The following DOCK3 variants were observed in gnomAD, a reference collection of about 807,000 sequenced individuals.
DOCK3 encodes the protein dedicator of cytokinesis 3.
DOCK3 carries 60 observed loss-of-function variants against 265.6 expected under a neutral mutation model. The ratio of observed to expected loss-of-function variants is 0.23; its 90% CI spans 0.18 to 0.28. The LOEUF is 0.28. DOCK3 is among the 10% of genes least tolerant of loss of function. The pLI is 1.00. For missense variants in DOCK3, 1,981 were observed against 2,594.3 expected (o/e 0.76, Z 5.14); for synonymous variants, 881 against 938.0 (o/e 0.94, Z 1.11).
At chr3:50,733,216 A>G (rs984897371) in intron 1 of DOCK3, among the ~76,000 whole-genome samples, 4 of 152,062 alleles carry the variant, frequency 2.6e-5, no homozygotes, top group African/African-American at 9.7e-5. Context: ...GTTGGATGGG[A>G]TGTTTTGTAT....
At chr3:51,044,449 G>A (rs919552350) in intron 5 of DOCK3, among the ~76,000 whole-genome samples, 1 of 152,104 alleles carries the variant, frequency 6.6e-6, no homozygotes, top group Non-Finnish European at 1.5e-5. Context: ...GGTAGGAGGA[G>A]GGAGAGGATC....
chr3:51,332,888 C>T, intron 33 of DOCK3, 113 bp from the exon 34 acceptor site: 1 of 1,414,764 alleles, frequency 7.1e-7, no homozygotes, highest in Non-Finnish European at 9.8e-7. Flanking sequence ...CCCTCCCTCC[C>T]CCCACCTCAG....
chr3:50,964,623 T>C (rs1474063133), intron 5 of DOCK3, among the ~76,000 whole-genome samples: 2 of 152,090 alleles, frequency 1.3e-5, no homozygotes. Flanking sequence ...GAGCATGAAC[T>C]AGCTGTGCGA....
At chr3:51,301,182 A>G (rs2082341028) in intron 27 of DOCK3, among the ~76,000 whole-genome samples, 1 of 152,150 alleles carries the variant, frequency 6.6e-6, no homozygotes, top group African/African-American at 2.4e-5. Flanking sequence ...TTTCTAATTT[A>G]CATGCCTAAA....
chr3:51,368,084 G>A (rs546787281), intron 49 of DOCK3, among the ~76,000 whole-genome samples: 19 of 152,308 alleles, frequency 1.2e-4, no homozygotes, highest in Middle Eastern at 6.8e-3. Flanking sequence ...CCTGAAGAGT[G>A]TTTTCCAATT....
intron 21 of DOCK3, among the ~76,000 whole-genome samples, chr3:51,240,229 T>C (rs982871946): frequency 1.3e-5 from 2 of 152,272 alleles, no homozygotes; most frequent in African/African-American, 2.4e-5. Flanking sequence ...GAGCAAGTTA[T>C]TGCATTTCCA....
rs557806391 is a variant in DOCK3, at chr3:50,934,846, A to G, written c.315+769A>G. On this transcript the variant is annotated intron_variant, in intron 5 of 52. Coordinates refer to ENST00000266037, the MANE Select transcript of DOCK3 (RefSeq NM_004947.5). ...TAGAAATAATCATAATATCTACACT[A>G]AAAGTAAGTGACAGGGTTTGGGCTC... is the stretch of plus-strand genomic sequence containing the variant. 2.6e-5 allele frequency among the ~76,000 whole-genome samples: 4 copies of G among 152,348 alleles called. No individual in the cohort carries two copies. The East Asian group carries it at 5.8e-4, about 22-fold the overall frequency.
chr3:51,312,940 G>A, intron 31 of DOCK3, 38 bp downstream of exon 31: 1 of 1,552,162 alleles, frequency 6.4e-7, no homozygotes, highest in Non-Finnish European at 8.8e-7. Context: ...TCTATATATT[G>A]CATAGCCAAA....
At chr3:51,208,251 A>T (rs1395983093) in intron 12 of DOCK3, among the ~76,000 whole-genome samples, 2 of 152,226 alleles carry the variant, frequency 1.3e-5, no homozygotes, top group East Asian at 3.9e-4. Flanking sequence ...CTGCTCTCAC[A>T]AGCTTTTCTT....
At chr3:51,031,046 T>C (rs2108953420) in intron 5 of DOCK3, among the ~76,000 whole-genome samples, 1 of 152,362 alleles carries the variant, frequency 6.6e-6, no homozygotes, top group Non-Finnish European at 1.5e-5. Context: ...TCATATGTTT[T>C]AGCTGTACTC....
Position 51,374,645 on chromosome 3 carries a change from C to G in DOCK3, c.5412+58C>G. The G allele has an allele frequency of 1.3e-6, 2 of 1,502,008 alleles. No homozygotes were observed. Among genetic ancestry groups the G allele is most frequent in the South Asian group, 1.2e-5 (1 of 83,628 alleles). The allele number at this position is 1,502,008 out of a possible 1,614,324, so 93.0% of individuals were successfully genotyped here. On this transcript the variant is annotated intron_variant, in intron 50 of 52. Transcript: ENST00000266037. This position sits in a 1 kb window ranked among gnomAD's most constrained non-coding sequence, Gnocchi z 4.8. Reference sequence around the variant, plus strand: ...TGCAAGTGTGTTAGCCTGTGCTTCCCTCCTTGCATTTGCGGGGCCTTCTGC... The same window carrying G: ...TGCAAGTGTGTTAGCCTGTGCTTCCGTCCTTGCATTTGCGGGGCCTTCTGC...
chr3:50,709,549 G>C (rs1341196078), intron 1 of DOCK3, among the ~76,000 whole-genome samples: 2 of 152,074 alleles, frequency 1.3e-5, no homozygotes, highest in Admixed American at 6.6e-5. Flanking sequence ...GGTGGGGCTG[G>C]GCATGGTGGC....
intron 5 of DOCK3, among the ~76,000 whole-genome samples, chr3:50,939,978 G>A (rs774019559): frequency 3.9e-5 from 6 of 152,064 alleles, no homozygotes; most frequent in Non-Finnish European, 7.4e-5. Context: ...CAAACAAGAA[G>A]ACACTAGAGT....
chr3:50,714,624 A>AT (rs1245876940), intron 1 of DOCK3, among the ~76,000 whole-genome samples: 3 of 151,976 alleles, frequency 2.0e-5, no homozygotes, highest in Admixed American at 6.6e-5. Flanking sequence ...TAATTTTTAA[A>AT]TTTTTTTGTA....
At chr3:50,825,035 C>T (rs1356755777) in intron 2 of DOCK3, among the ~76,000 whole-genome samples, 1 of 152,080 alleles carries the variant, frequency 6.6e-6, no homozygotes, top group Admixed American at 6.5e-5. Context: ...GGCACTTGGG[C>T]AGATTATATA....
chr3:51,104,926 T>A (rs1025033565), intron 9 of DOCK3, among the ~76,000 whole-genome samples: 2 of 152,152 alleles, frequency 1.3e-5, no homozygotes, highest in Non-Finnish European at 2.9e-5. Context: ...GTAGCGGGAC[T>A]ACGGGTGTAC....
intron 4 of DOCK3, among the ~76,000 whole-genome samples, chr3:50,926,839 G>A (rs1211493594): frequency 6.6e-6 from 1 of 152,206 alleles, no homozygotes; most frequent in Non-Finnish European, 1.5e-5. Flanking sequence ...TTTCTTGCCT[G>A]TGTTACAGCA....
intron 3 of DOCK3, among the ~76,000 whole-genome samples, chr3:50,868,362 A>G (rs1443963673): frequency 6.6e-6 from 1 of 151,972 alleles, no homozygotes. Flanking sequence ...GTAAGGCACC[A>G]TGCCCGGCCT....
chr3:51,079,671 G>T (rs1460315155), intron 7 of DOCK3, among the ~76,000 whole-genome samples: 3 of 151,966 alleles, frequency 2.0e-5, no homozygotes, highest in Non-Finnish European at 4.4e-5. Flanking sequence ...CATTCTTTAT[G>T]ATGAAAACCA....
Sources: gnomAD v4.1 joint callset for allele counts (sites outside exome capture counted in the v4.1 genomes callset) on GRCh38, gnomAD v4.1.1 for gene constraint, Gnocchi (gnomAD v3.1) non-coding constraint, MANE v1.5 for transcripts, NCBI Gene and HGNC (gene_info 2026-07-23, HGNC 2026-07-21) for gene names.